ZBTB16: variants seen among roughly 807,000 people sequenced by gnomAD.
ZBTB16 encodes zinc finger and BTB domain containing 16.
A neutral mutation model predicts 56.8 loss-of-function variants in ZBTB16; 8 were observed. That is an observed-to-expected ratio of 0.14 (90% CI 0.08 to 0.25). The LOEUF is 0.25. ZBTB16 is among the 10% of genes least tolerant of loss of function. The pLI is 1.00. For synonymous variants in ZBTB16, 363 were observed against 368.5 expected (o/e 0.98, Z 0.17); for missense variants, 625 against 903.0 (o/e 0.69, Z 3.95).
chr11:114,139,406 G>T (rs114106866), intron 2 of ZBTB16, among the ~76,000 whole-genome samples: 2 of 152,088 alleles, frequency 1.3e-5, no homozygotes, highest in African/African-American at 2.4e-5. Context: ...AGTTTGTTCC[G>T]TGTGATCATT....
At chr11:114,080,610 T>C (rs1939725504) in intron 2 of ZBTB16, among the ~76,000 whole-genome samples, 1 of 152,350 alleles carries the variant, frequency 6.6e-6, no homozygotes, top group East Asian at 1.9e-4. Flanking sequence ...TTGTGCTAAT[T>C]TGAATGCTCC....
At chr11:114,125,832 C>T (rs1249298126) in intron 2 of ZBTB16, among the ~76,000 whole-genome samples, 1 of 152,144 alleles carries the variant, frequency 6.6e-6, no homozygotes, top group Non-Finnish European at 1.5e-5. Context: ...ACTTGACCCC[C>T]ATAAAGGAAG....
chr11:114,105,794 G>A (rs7949233), intron 2 of ZBTB16, among the ~76,000 whole-genome samples: 1,842 of 152,256 alleles, frequency 0.012, 24 homozygotes, highest in African/African-American at 0.042. Context: ...AATTGTCACC[G>A]AGGGTACCAT....
At chr11:114,142,809 T>C (rs993804761) in intron 2 of ZBTB16, among the ~76,000 whole-genome samples, 4 of 152,270 alleles carry the variant, frequency 2.6e-5, no homozygotes, top group South Asian at 2.1e-4. Flanking sequence ...CATGAAGTTA[T>C]GGCCCGTTTA....
At chr11:114,177,645 A>G (rs7125770) in intron 3 of ZBTB16, among the ~76,000 whole-genome samples, 1 of 152,128 alleles carries the variant, frequency 6.6e-6, no homozygotes, top group East Asian at 1.9e-4. Flanking sequence ...TCATCACAGC[A>G]GGGACTGACA....
intron 2 of ZBTB16, among the ~76,000 whole-genome samples, chr11:114,142,293 C>A (rs1381172471): frequency 3.4e-4 from 52 of 152,312 alleles, no homozygotes; most frequent in African/African-American, 1.2e-3. Context: ...CCACCCCCTT[C>A]CCCAGTAGCT....
At chr11:114,076,378 G>C (rs1030582032) in intron 2 of ZBTB16, among the ~76,000 whole-genome samples, 8 of 152,166 alleles carry the variant, frequency 5.3e-5, no homozygotes, top group Non-Finnish European at 1.0e-4. Context: ...GGGCACGCAC[G>C]CTCACGGAGG....
At chr11:114,233,213 G>A (rs955581396) in intron 4 of ZBTB16, among the ~76,000 whole-genome samples, 103 of 151,880 alleles carry the variant, frequency 6.8e-4, no homozygotes, top group African/African-American at 2.4e-3. Flanking sequence ...GAAGGGTCCA[G>A]CCACTGGACT....
intron 2 of ZBTB16, among the ~76,000 whole-genome samples, chr11:114,120,858 G>A (rs146516853): frequency 7.9e-5 from 12 of 152,172 alleles, no homozygotes; most frequent in African/African-American, 1.9e-4. Context: ...GCAGGGCAGC[G>A]TGGATGCTGG....
intron 2 of ZBTB16, among the ~76,000 whole-genome samples, chr11:114,071,649 G>A (rs1939352182): frequency 6.6e-6 from 1 of 152,184 alleles, no homozygotes; most frequent in Non-Finnish European, 1.5e-5. Context: ...GAAAGCCCAA[G>A]TATATATGAC....
Position 114,059,717 on chromosome 11 carries a change from G to A in ZBTB16, c.-256G>A. On this transcript the variant is annotated 5_prime_UTR_variant, in exon 1 of 7. Coordinates refer to ENST00000335953, the MANE Select transcript of ZBTB16 (RefSeq NM_006006.6). This position sits in a 1 kb window ranked among gnomAD's most constrained non-coding sequence, Gnocchi z 5.3. Reference sequence around the variant, plus strand: ...GGTGATTTGCTAACCTCGCAGCAGAGAGGAGTTGAGGGCGATGAGAGCGGG... The same window carrying A: ...GGTGATTTGCTAACCTCGCAGCAGAAAGGAGTTGAGGGCGATGAGAGCGGG... 2.5e-6 allele frequency: 1 copy of A among 398,526 alleles called. No homozygotes were observed. Among genetic ancestry groups the A allele is most frequent in the Admixed American group, 4.4e-5 (1 of 22,732 alleles). 24.7% of individuals were successfully genotyped at this position (398,526 alleles called of 1,614,324 possible).
At chr11:114,096,791 T>A (rs908548339) in intron 2 of ZBTB16, among the ~76,000 whole-genome samples, 14 of 152,234 alleles carry the variant, frequency 9.2e-5, no homozygotes, top group African/African-American at 3.4e-4. Flanking sequence ...GCGACATTGT[T>A]GACTTCAGTT....
chr11:114,238,083 C>T (rs1489202419), intron 4 of ZBTB16, among the ~76,000 whole-genome samples: 1 of 152,220 alleles, frequency 6.6e-6, no homozygotes, highest in Non-Finnish European at 1.5e-5. Flanking sequence ...GTGGAACTGG[C>T]CATCTGGGAT....
intron 2 of ZBTB16, among the ~76,000 whole-genome samples, chr11:114,123,871 C>T (rs989611052): frequency 8.5e-5 from 13 of 152,076 alleles, no homozygotes; most frequent in Non-Finnish European, 1.5e-4. Context: ...GATATACGGG[C>T]GCCAGGCTGC....
At chr11:114,209,154 T>C (rs1943947892) in intron 4 of ZBTB16, among the ~76,000 whole-genome samples, 1 of 152,172 alleles carries the variant, frequency 6.6e-6, no homozygotes, top group African/African-American at 2.4e-5. Context: ...GCATCATGGA[T>C]GCAGAAAAGG....
chr11:114,208,146 A>T (rs1338266087), intron 4 of ZBTB16, among the ~76,000 whole-genome samples: 3 of 152,164 alleles, frequency 2.0e-5, no homozygotes, highest in Non-Finnish European at 2.9e-5. Context: ...AGCACCATAG[A>T]TGTACACCAC....
intron 4 of ZBTB16, among the ~76,000 whole-genome samples, chr11:114,233,079 G>GCACACACACACA (rs781149248): frequency 1.3e-4 from 7 of 53,780 alleles, no homozygotes; most frequent in African/African-American, 4.2e-4. Flanking sequence ...GCGCGCGCGC[G>GCACACACACACA]CGCACACACA....
chr11:114,161,142 A>T (rs1163884106), intron 3 of ZBTB16, among the ~76,000 whole-genome samples: 1 of 152,324 alleles, frequency 6.6e-6, no homozygotes, highest in South Asian at 2.1e-4. Context: ...GACCACAGAC[A>T]CATGCAGTGA....
At chr11:114,218,544 A>G (rs1944159849) in intron 4 of ZBTB16, among the ~76,000 whole-genome samples, 3 of 152,300 alleles carry the variant, frequency 2.0e-5, no homozygotes, top group South Asian at 4.1e-4. Context: ...CATAAAGCCA[A>G]TCTATAAATA....
Sources: gnomAD v4.1 joint callset for allele counts (sites outside exome capture counted in the v4.1 genomes callset) on GRCh38, gnomAD v4.1.1 for gene constraint, Gnocchi (gnomAD v3.1) non-coding constraint, MANE v1.5 for transcripts, NCBI Gene and HGNC (gene_info 2026-07-23, HGNC 2026-07-21) for gene names.